LGSN: variants seen among roughly 807,000 people sequenced by gnomAD.
LGSN encodes the protein lengsin, lens protein with glutamine synthetase domain.
LGSN carries 21 observed loss-of-function variants against 19.5 expected under a neutral mutation model. That is an observed-to-expected ratio of 1.07 (90% CI 0.76 to 1.55). The LOEUF (loss-of-function observed/expected upper bound fraction) is 1.55, where lower values mean the gene tolerates loss of function less well. Among genes scored for constraint, LGSN ranks in the 40% most tolerant of loss-of-function variants. The probability of loss-of-function intolerance (pLI) is 0.00; values close to 1 mark genes in which losing one functional copy is unlikely to be tolerated. For synonymous variants in LGSN, 257 were observed against 215.6 expected (o/e 1.19, Z -1.68); for missense variants, 673 against 608.5 (o/e 1.11, Z -1.12).
the LGSN span, among the ~76,000 whole-genome samples, chr6:63,417,218 C>G: frequency 6.6e-6 from 1 of 152,056 alleles, no homozygotes; most frequent in Admixed American, 6.6e-5. Flanking sequence ...CTTCTTCCCC[C>G]CAGCTGCAGC....
chr6:63,372,525 G>A, the LGSN span, among the ~76,000 whole-genome samples: 99 of 152,152 alleles, frequency 6.5e-4, no homozygotes, highest in East Asian at 9.1e-3. Context: ...TGCCACCAAC[G>A]GGATTTTCTA....
chr6:63,464,655 C>T, the LGSN span, among the ~76,000 whole-genome samples: 2 of 151,284 alleles, frequency 1.3e-5, no homozygotes, highest in Non-Finnish European at 1.5e-5. Context: ...AGAGAAGTGT[C>T]CAATGGTATG....
chr6:63,501,293 C>T, the LGSN span, among the ~76,000 whole-genome samples: 3 of 149,370 alleles, frequency 2.0e-5, no homozygotes, highest in East Asian at 2.0e-4. Context: ...ACCCAGGAGG[C>T]GGAGGTTGCA....
At chr6:63,411,170 T>C in the LGSN span, among the ~76,000 whole-genome samples, 12 of 152,196 alleles carry the variant, frequency 7.9e-5, no homozygotes, top group Non-Finnish European at 1.6e-4. Flanking sequence ...AAGAATAATA[T>C]TGACTGTCCC....
the LGSN span, among the ~76,000 whole-genome samples, chr6:63,391,355 T>A: frequency 6.6e-6 from 1 of 152,246 alleles, no homozygotes; most frequent in African/African-American, 2.4e-5. Flanking sequence ...GAACTGTAGC[T>A]CATTCAGAAT....
At position 63,282,661 on chromosome 6, in the gene LGSN, C is replaced by A. The variant is rs78125104; in HGVS notation, c.331-1441G>T. Among the ~76,000 whole-genome samples, 712 of 152,284 alleles carry A rather than the reference C, an allele frequency of 4.7e-3. 1 individual carries two copies. Among genetic ancestry groups the A allele is most frequent in the Admixed American group, 0.01 (153 of 15,288 alleles). Reference sequence around the variant, plus strand: ...GCCTCCACTTTCCACCATCTCTACACATATTTTTGAATGCTATTTGACTGA... The same window carrying A: ...GCCTCCACTTTCCACCATCTCTACAAATATTTTTGAATGCTATTTGACTGA... On this transcript the variant is annotated intron_variant, in intron 3 of 3. Transcript: ENST00000370657.
the LGSN span, among the ~76,000 whole-genome samples, chr6:63,443,863 GT>G: frequency 1.3e-5 from 2 of 149,632 alleles, no homozygotes; most frequent in Non-Finnish European, 3.0e-5. Context: ...ATTTCTAGTT[GT>G]TACACAAAGC....
At chr6:63,526,833 A>ATATT in the LGSN span, among the ~76,000 whole-genome samples, 1,015 of 127,938 alleles carry the variant, frequency 7.9e-3, 9 homozygotes, top group African/African-American at 0.011. Context: ...ATATATATAT[A>ATATT]TATTTATTTA....
At chr6:63,517,220 A>G in the LGSN span, among the ~76,000 whole-genome samples, 1 of 152,172 alleles carries the variant, frequency 6.6e-6, no homozygotes, top group South Asian at 2.1e-4. Flanking sequence ...GGAAAGTCTT[A>G]CCTTTCAGAC....
At chr6:63,482,585 C>A in the LGSN span, among the ~76,000 whole-genome samples, 1 of 152,108 alleles carries the variant, frequency 6.6e-6, no homozygotes, top group Non-Finnish European at 1.5e-5. Context: ...AAAAATCAGC[C>A]AGGCATGGTG....
chr6:63,340,258 T>TA, the LGSN span, among the ~76,000 whole-genome samples: 1 of 152,184 alleles, frequency 6.6e-6, no homozygotes, highest in African/African-American at 2.4e-5. Flanking sequence ...CTTTTGGGAT[T>TA]AAATCTATTT....
At chr6:63,301,390 G>A (rs1377511867) in intron 1 of LGSN, among the ~76,000 whole-genome samples, 2 of 151,888 alleles carry the variant, frequency 1.3e-5, no homozygotes, top group African/African-American at 4.8e-5. Context: ...TATTTGTTGA[G>A]AAAAAATAAT....
intron 2 of LGSN, among the ~76,000 whole-genome samples, chr6:63,294,122 G>A (rs1297654497): frequency 1.3e-5 from 2 of 151,980 alleles, no homozygotes; most frequent in Non-Finnish European, 2.9e-5. Flanking sequence ...ATCATTTGAG[G>A]TCAGGAGTTT....
chr6:63,332,146 C>T, the LGSN span, among the ~76,000 whole-genome samples: 1 of 152,106 alleles, frequency 6.6e-6, no homozygotes, highest in African/African-American at 2.4e-5. Context: ...CCAGGTAGTG[C>T]CCACTATGAC....
chr6:63,512,923 A>C, the LGSN span, among the ~76,000 whole-genome samples: 1 of 152,222 alleles, frequency 6.6e-6, no homozygotes. Context: ...TGTTCTCCGT[A>C]CTAAAGCAGA....
chr6:63,564,049 C>T, the LGSN span, among the ~76,000 whole-genome samples: 1 of 152,000 alleles, frequency 6.6e-6, no homozygotes, highest in Non-Finnish European at 1.5e-5. Context: ...CCAAGGCAGG[C>T]GGATCATTTG....
chr6:63,521,234 GA>G, the LGSN span, among the ~76,000 whole-genome samples: 30 of 148,716 alleles, frequency 2.0e-4, no homozygotes, highest in African/African-American at 4.9e-4. Context: ...TAAAATAAAA[GA>G]AAAAAAAATA....
the LGSN span, among the ~76,000 whole-genome samples, chr6:63,529,411 T>C: frequency 1.3e-5 from 2 of 151,804 alleles, no homozygotes; most frequent in Admixed American, 1.3e-4. Context: ...TTCAATTCAA[T>C]CTCAAACTTT....
the LGSN span, among the ~76,000 whole-genome samples, chr6:63,522,291 AT>A: frequency 3.4e-4 from 52 of 152,228 alleles, no homozygotes; most frequent in Non-Finnish European, 6.2e-4. Flanking sequence ...AATTATTTGT[AT>A]AGTTATAAAG....
Sources: allele counts gnomAD v4.1 joint callset (sites outside exome capture counted in the v4.1 genomes callset), GRCh38; gene constraint gnomAD v4.1.1; transcripts MANE v1.5; gene names NCBI Gene and HGNC (gene_info 2026-07-23, HGNC 2026-07-21).